The following STXBP4 variants were observed in gnomAD, a reference collection of about 807,000 sequenced individuals.
STXBP4 encodes the protein syntaxin binding protein 4, also known as syntaxin-binding protein 4.
STXBP4 carries 55 observed loss-of-function variants against 76.1 expected under a neutral mutation model. That is an observed-to-expected ratio of 0.72 (90% CI 0.58 to 0.91). STXBP4 has a LOEUF of 0.91. Ranked by LOEUF, STXBP4 falls within the 40% of genes least tolerant of loss-of-function variation. STXBP4 has a pLI of 0.00. For missense variants in STXBP4, 618 were observed against 636.9 expected (o/e 0.97, Z 0.32); for synonymous variants, 201 against 220.2 (o/e 0.91, Z 0.77).
Position 55,167,783 on chromosome 17 carries a change from C to G in STXBP4, c.*7872C>G, listed in dbSNP as rs147402486. 41 of 152,308 alleles carry G rather than the reference C, an allele frequency of 2.7e-4. No homozygotes were observed. The highest frequency in any genetic ancestry group is 9.6e-4 in the East Asian group (5 of 5,184). The allele number at this position is 152,308 out of a possible 1,614,324, so 9.4% of individuals were successfully genotyped here. On this transcript the variant is annotated 3_prime_UTR_variant, in exon 18 of 18. Transcript: ENST00000376352. ...TCTGAAATTGCAGAAATTATCTCAT[C>G]TATAAGTAACCCCACTGGAATTGCT...
intron 12 of STXBP4, among the ~76,000 whole-genome samples, chr17:55,072,338 G>C (rs191813273): frequency 2.0e-5 from 3 of 152,184 alleles, no homozygotes; most frequent in African/African-American, 7.2e-5. Flanking sequence ...TAAATGTCTT[G>C]TGAGCCTTGC....
the STXBP4 span, among the ~76,000 whole-genome samples, chr17:55,183,180 A>G: frequency 2.0e-5 from 3 of 152,226 alleles, no homozygotes; most frequent in Non-Finnish European, 4.4e-5. Flanking sequence ...AAGAGGGTAA[A>G]AACTACCAAG....
intron 12 of STXBP4, among the ~76,000 whole-genome samples, chr17:55,070,364 G>A (rs60940178): frequency 0.21 from 32,272 of 152,068 alleles, 3,564 homozygotes; most frequent in Middle Eastern, 0.35. Flanking sequence ...GTGTGAAGTT[G>A]ATCTAGCTGT....
chr17:55,197,587 A>G, the STXBP4 span, among the ~76,000 whole-genome samples: 1 of 133,748 alleles, frequency 7.5e-6, no homozygotes, highest in East Asian at 3.0e-4. Context: ...ACTAAAAATC[A>G]AAAAAATCAG....
intron 13 of STXBP4, among the ~76,000 whole-genome samples, chr17:55,076,532 C>G (rs968044653): frequency 6.6e-6 from 1 of 152,114 alleles, no homozygotes; most frequent in Admixed American, 6.6e-5. Flanking sequence ...TGTCAGCTGT[C>G]AATCTGTCAT....
the STXBP4 span, among the ~76,000 whole-genome samples, chr17:55,187,012 G>A: frequency 6.6e-6 from 1 of 152,224 alleles, no homozygotes; most frequent in African/African-American, 2.4e-5. Context: ...TTCAAGTGAG[G>A]CTTAGAGGCT....
chr17:55,211,441 T>G, the STXBP4 span, among the ~76,000 whole-genome samples: 1 of 152,174 alleles, frequency 6.6e-6, no homozygotes, highest in African/African-American at 2.4e-5. Context: ...ACTTGAATTT[T>G]TCAAATATGC....
chr17:55,070,530 G>A (rs933131258), intron 12 of STXBP4, among the ~76,000 whole-genome samples: 18 of 152,076 alleles, frequency 1.2e-4, no homozygotes, highest in African/African-American at 4.1e-4. Flanking sequence ...TTTGAGTCAA[G>A]GGCATAGAAG....
In STXBP4 at chr17:55,073,051, T is replaced by C. The variant is rs974439618; in HGVS notation, c.1163T>C (p.Leu388Pro). 6.2e-7 allele frequency: 1 copy of C among 1,613,774 alleles called. No individual in the cohort carries two copies. The change falls in exon 13 of 18, where the codon CTT (leucine) becomes CCT (proline). Residue 388 changes from leucine to proline, a missense_variant. By Grantham distance (98) the Leu-to-Pro change is moderately conservative (BLOSUM62 -3). Transcript: ENST00000376352. ...AAGATTACAGAGCTAAAGGCTCAGC[T>C]TGCTGATTATTCTGACCAAAATAAA... ...EAKITELKAQ[L>P]ADYSDQNKES...
At chr17:55,206,230 G>A in the STXBP4 span, among the ~76,000 whole-genome samples, 1 of 151,992 alleles carries the variant, frequency 6.6e-6, no homozygotes, top group Non-Finnish European at 1.5e-5. Flanking sequence ...GTGTGCAAGG[G>A]GCTTGTTGAG....
At chr17:55,211,799 G>GTTTTT in the STXBP4 span, among the ~76,000 whole-genome samples, 699 of 48,954 alleles carry the variant, frequency 0.014, 67 homozygotes, top group Non-Finnish European at 0.016. Context: ...GTTTTTTGTT[G>GTTTTT]TTTTTTTTTT....
chr17:55,106,274 G>A (rs2079633402), intron 16 of STXBP4, among the ~76,000 whole-genome samples: 2 of 150,720 alleles, frequency 1.3e-5, no homozygotes, highest in African/African-American at 2.4e-5. Context: ...GACTAGGATT[G>A]CAACCCCTGC....
intron 12 of STXBP4, among the ~76,000 whole-genome samples, chr17:55,058,347 C>A (rs1598274178): frequency 6.6e-6 from 1 of 152,030 alleles, no homozygotes; most frequent in Admixed American, 6.6e-5. Context: ...CGCATAAATG[C>A]CTTCTTTTGA....
chr17:55,061,616 TC>T (rs2078995731), intron 12 of STXBP4, among the ~76,000 whole-genome samples: 2 of 152,164 alleles, frequency 1.3e-5, no homozygotes, highest in African/African-American at 4.8e-5. Context: ...CTCATGCTAT[TC>T]TTTTATTGCC....
At chr17:55,121,751 G>A (rs973346168) in intron 16 of STXBP4, among the ~76,000 whole-genome samples, 2 of 151,950 alleles carry the variant, frequency 1.3e-5, no homozygotes, top group African/African-American at 2.4e-5. Flanking sequence ...TCTGGTCAAT[G>A]AGTTATAAAG....
intron 16 of STXBP4, among the ~76,000 whole-genome samples, chr17:55,116,997 G>A (rs1302338018): frequency 6.6e-6 from 1 of 151,670 alleles, no homozygotes; most frequent in East Asian, 1.9e-4. Context: ...AATAAGATAA[G>A]CATAATTAAG....
At chr17:55,127,413 A>G (rs963728844) in intron 16 of STXBP4, among the ~76,000 whole-genome samples, 12 of 152,288 alleles carry the variant, frequency 7.9e-5, no homozygotes, top group Middle Eastern at 3.4e-3. Context: ...ACATTCAAGG[A>G]TGTGACTTTC....
chr17:55,070,501 A>T (rs2079106858), intron 12 of STXBP4, among the ~76,000 whole-genome samples: 1 of 152,170 alleles, frequency 6.6e-6, no homozygotes, highest in Non-Finnish European at 1.5e-5. Context: ...TTACTTTTAG[A>T]TACAAGGAAA....
intron 1 of STXBP4, among the ~76,000 whole-genome samples, chr17:54,984,894 A>G (rs1261061321): frequency 7.4e-6 from 1 of 135,252 alleles, no homozygotes; most frequent in South Asian, 2.4e-4. Context: ...TCACCCAACC[A>G]TCTTTTTTTT....
Sources: allele counts gnomAD v4.1 joint callset (sites outside exome capture counted in the v4.1 genomes callset), GRCh38; gene constraint gnomAD v4.1.1; transcripts MANE v1.5; gene names NCBI Gene and HGNC (gene_info 2026-07-23, HGNC 2026-07-21).